Variants in CD9 observed in about 807,000 individuals in gnomAD.
The protein encoded by CD9 is CD9 antigen.
In CD9, 10 loss-of-function variants were observed where a neutral mutation model predicts 31.4. That is an observed-to-expected ratio of 0.32 (90% CI 0.20 to 0.54). The LOEUF is 0.54. Among genes scored for constraint, CD9 ranks in the 20% least tolerant of loss-of-function variants. The probability of loss-of-function intolerance (pLI) is 0.94; values close to 1 mark genes in which losing one functional copy is unlikely to be tolerated. For missense variants in CD9, 259 were observed against 300.1 expected (o/e 0.86, Z 1.01); for synonymous variants, 113 against 114.1 (o/e 0.99, Z 0.06).
At chr12:6,219,738 G>A (rs1487382561) in intron 1 of CD9, among the ~76,000 whole-genome samples, 1 of 152,128 alleles carries the variant, frequency 6.6e-6, no homozygotes, top group Non-Finnish European at 1.5e-5. Context: ...GCCCGCCTCG[G>A]CCTCCCAAAG....
At chr12:6,205,162 G>A (rs1426649719) in intron 1 of CD9, among the ~76,000 whole-genome samples, 1 of 152,238 alleles carries the variant, frequency 6.6e-6, no homozygotes, top group Non-Finnish European at 1.5e-5. Context: ...GCCTGCGCTG[G>A]GGTGAAGCTG....
intron 1 of CD9, 66 bp from the exon 2 acceptor site, chr12:6,225,360 A>G: frequency 9.7e-7 from 1 of 1,032,148 alleles, no homozygotes; most frequent in Admixed American, 1.7e-5. Flanking sequence ...TCTCACCCTT[A>G]AGCGCGTGGG....
rs1256011088 is a variant in CD9 at position 6,231,424 on chromosome 12, GCCT to G, written c.176-1206_176-1204del. On this transcript the variant is annotated intron_variant, in intron 2 of 7. Transcript: ENST00000009180. ...CTGGTGCTCTCGACATGTGACAGTA[GCCT>G]CTCCCAAGGCTAGATAGAACATGCC... Among the ~76,000 whole-genome samples, 12 of 152,322 alleles carry G rather than the reference GCCT, an allele frequency of 7.9e-5. No individual in the cohort carries two copies. In the East Asian group the frequency reaches 2.3e-3, roughly 29 times the overall value.
intron 7 of CD9, among the ~76,000 whole-genome samples, chr12:6,237,332 C>G (rs1025355696): frequency 6.6e-6 from 1 of 151,914 alleles, no homozygotes; most frequent in African/African-American, 2.4e-5. Flanking sequence ...CCGAGGCAGG[C>G]GGATCGCACC....
At chr12:6,209,351 T>C (rs1946167877) in intron 1 of CD9, among the ~76,000 whole-genome samples, 2 of 152,192 alleles carry the variant, frequency 1.3e-5, no homozygotes, top group South Asian at 4.1e-4. Flanking sequence ...GTAGTGTGCA[T>C]GCACACCCCA....
chr12:6,222,239 A>T (rs191685248), intron 1 of CD9, among the ~76,000 whole-genome samples: 80 of 152,300 alleles, frequency 5.3e-4, no homozygotes, highest in Admixed American at 1.7e-3. Flanking sequence ...GGGGCAGCTG[A>T]TGGTTCACAT....
Position 6,236,144 on chromosome 12 carries a change from T to C in CD9, c.538-48T>C. On this transcript the variant is annotated intron_variant, in intron 6 of 7. Transcript: ENST00000009180. Reference sequence around the variant, plus strand: ...GGGCCATGGGAGGGAGGAGGTGCCCTGGGAGGAAGGATTGTGTGTGACCCA... The same window carrying C: ...GGGCCATGGGAGGGAGGAGGTGCCCCGGGAGGAAGGATTGTGTGTGACCCA... The C allele has an allele frequency of 1.9e-6, 3 of 1,609,522 alleles. No individual in the cohort carries two copies. In the Middle Eastern group the frequency reaches 5.0e-4, roughly 267 times the overall value.
intron 2 of CD9, among the ~76,000 whole-genome samples, chr12:6,230,204 T>C (rs1946425537): frequency 6.6e-6 from 1 of 152,078 alleles, no homozygotes; most frequent in Non-Finnish European, 1.5e-5. Context: ...GCTTCCCTTT[T>C]CCCGTGACTA....
In CD9 at chr12:6,232,244, A is replaced by T; in HGVS notation, c.176-388A>T. ...TCCCAGAAGTTAGCCAGAGTGTGGAAGGTATATGCTAACTAGCTTGAGTGG... is the reference window on the plus strand; with the variant it reads ...TCCCAGAAGTTAGCCAGAGTGTGGATGGTATATGCTAACTAGCTTGAGTGG... On this transcript the variant is annotated intron_variant, in intron 2 of 7. Coordinates refer to ENST00000009180, the MANE Select transcript of CD9 (RefSeq NM_001769.4). The surrounding 1 kb of genome is among the most constrained non-coding windows in gnomAD (Gnocchi z 4.8). 1 of 266,752 alleles carries T rather than the reference A, an allele frequency of 3.7e-6. No homozygotes were observed. The highest frequency in any genetic ancestry group is 7.3e-6 in the Non-Finnish European group (1 of 136,656). The allele number at this position is 266,752 out of a possible 1,614,324, so 16.5% of individuals were successfully genotyped here.
At chr12:6,236,299 G>A in intron 7 of CD9, 24 bp downstream of exon 7, 1 of 1,605,242 alleles carries the variant, frequency 6.2e-7, no homozygotes. Flanking sequence ...CGTCGTCCCA[G>A]GAGGGGGACT....
chr12:6,217,764 C>T (rs909174672), intron 1 of CD9, among the ~76,000 whole-genome samples: 18 of 152,164 alleles, frequency 1.2e-4, no homozygotes, highest in African/African-American at 4.1e-4. Flanking sequence ...TCCTGGACTC[C>T]ATCCACTCAC....
At chr12:6,204,371 T>G (rs1473704060) in intron 1 of CD9, among the ~76,000 whole-genome samples, 3 of 152,182 alleles carry the variant, frequency 2.0e-5, no homozygotes, top group Non-Finnish European at 4.4e-5. Flanking sequence ...TCGTGTCCCC[T>G]AAATCTATAA....
intron 7 of CD9, 83 bp downstream of exon 7, chr12:6,236,358 C>G (rs544855921): frequency 1.6e-6 from 2 of 1,222,402 alleles, no homozygotes; most frequent in Admixed American, 3.6e-5. Flanking sequence ...CACCGCCGCA[C>G]TCTGTGCATT....
chr12:6,230,784 C>G (rs1946433644), intron 2 of CD9, among the ~76,000 whole-genome samples: 1 of 152,246 alleles, frequency 6.6e-6, no homozygotes, highest in African/African-American at 2.4e-5. Flanking sequence ...TGAGGACAAG[C>G]TACATTTGTC....
Position 6,237,933 on chromosome 12 carries a change from A to G in CD9, c.*105A>G. The stretch of plus-strand genomic sequence containing the variant: ...GTTGTTTGTTGTTTGTTTTTTTGCC[A>G]CTAATTTTAGTATTCATTCTGCATT... On this transcript the variant is annotated 3_prime_UTR_variant, in exon 8 of 8. Transcript: ENST00000009180. 1.2e-6 allele frequency: 1 copy of G among 856,916 alleles called. No individual in the cohort carries two copies. The highest frequency in any genetic ancestry group is 1.9e-6 in the Non-Finnish European group (1 of 525,690). 53.1% of individuals were successfully genotyped at this position (856,916 alleles called of 1,614,324 possible). A position where few individuals can be genotyped will look rare whatever the true frequency, so the allele number is the denominator to read the frequency against.
At position 6,233,394 on chromosome 12, in the gene CD9, C is replaced by G; in HGVS notation, c.274-18C>G. On this transcript the variant is annotated intron_variant, in intron 3 of 7. Coordinates refer to ENST00000009180, the MANE Select transcript of CD9 (RefSeq NM_001769.4). Reference sequence around the variant, plus strand: ...TTGGCTGGGACTGTTCTCACCCCGTCCCCTCGTTGCCTTCCAGTTCTTCGG... The same window carrying G: ...TTGGCTGGGACTGTTCTCACCCCGTGCCCTCGTTGCCTTCCAGTTCTTCGG... The G allele has an allele frequency of 6.2e-7, 1 of 1,605,388 alleles. No individual in the cohort carries two copies. Among genetic ancestry groups the G allele is most frequent in the Non-Finnish European group, 8.5e-7 (1 of 1,171,998 alleles).
chr12:6,212,992 C>T (rs1446368410), intron 1 of CD9, among the ~76,000 whole-genome samples: 1 of 152,118 alleles, frequency 6.6e-6, no homozygotes, highest in Non-Finnish European at 1.5e-5. Flanking sequence ...ACGCTGATTC[C>T]CGTGGGGAGA....
chr12:6,220,193 A>G (rs1226179088), intron 1 of CD9, among the ~76,000 whole-genome samples: 2 of 152,106 alleles, frequency 1.3e-5, no homozygotes, highest in Non-Finnish European at 1.5e-5. Flanking sequence ...ATGGGAGGAA[A>G]TGGGTGGGGA....
chr12:6,228,002 T>A (rs1247100149), intron 2 of CD9, among the ~76,000 whole-genome samples: 1 of 152,198 alleles, frequency 6.6e-6, no homozygotes, highest in Non-Finnish European at 1.5e-5. Context: ...TGCAGGGCCC[T>A]GCTGGTGGCC....
Sources: gnomAD v4.1 joint callset for allele counts (sites outside exome capture counted in the v4.1 genomes callset) on GRCh38, gnomAD v4.1.1 for gene constraint, Gnocchi (gnomAD v3.1) non-coding constraint, MANE v1.5 for transcripts, NCBI Gene and HGNC (gene_info 2026-07-23, HGNC 2026-07-21) for gene names.